The following NYAP2 variants were observed in gnomAD, a reference collection of about 807,000 sequenced individuals.
The protein encoded by NYAP2 is neuronal tyrosine-phosphorylated phosphoinositide-3-kinase adaptor 2.
A neutral mutation model predicts 50.4 loss-of-function variants in NYAP2; 23 were observed. The observed-to-expected ratio is 0.46, with a 90% CI of 0.33 to 0.65. The LOEUF is 0.65. Among genes scored for constraint, NYAP2 ranks in the 30% least tolerant of loss-of-function variants. NYAP2 has a pLI of 0.02. For missense variants in NYAP2, 885 were observed against 861.0 expected, an observed-to-expected ratio of 1.03 and a Z score of -0.35; for synonymous variants, 394 against 365.2, an observed-to-expected ratio of 1.08 and a Z score of -0.90.
intron 4 of NYAP2, among the ~76,000 whole-genome samples, chr2:225,520,626 A>G (rs1574656168): frequency 1.3e-5 from 2 of 151,920 alleles, no homozygotes; most frequent in South Asian, 2.1e-4. Context: ...TGTTCCATTG[A>G]TCTATATTTC....
At chr2:225,652,782 TA>T (rs1319159173) in exon 7 of NYAP2, 1 of 152,202 alleles carries the variant, frequency 6.6e-6, no homozygotes, top group African/African-American at 2.4e-5. Flanking sequence ...CAGGCTATTT[TA>T]AAAACATAAC....
At chr2:225,428,591 T>C (rs1695319814) in intron 3 of NYAP2, among the ~76,000 whole-genome samples, 1 of 152,230 alleles carries the variant, frequency 6.6e-6, no homozygotes, top group Non-Finnish European at 1.5e-5. Flanking sequence ...ACAAGCCAGA[T>C]TTGGCCTGCA....
downstream of NYAP2, among the ~76,000 whole-genome samples, chr2:225,658,584 T>G (rs1221783496): frequency 1.3e-5 from 2 of 152,206 alleles, no homozygotes; most frequent in African/African-American, 4.8e-5. Context: ...CCTAGTTGCA[T>G]TAAAACAATG....
chr2:225,483,685 T>C (rs909232706), intron 3 of NYAP2, among the ~76,000 whole-genome samples: 5 of 152,240 alleles, frequency 3.3e-5, no homozygotes, highest in Admixed American at 6.5e-5. Flanking sequence ...TTGTTCGTTT[T>C]CAGTTTTACA....
At chr2:225,667,057 T>A in the NYAP2 span, among the ~76,000 whole-genome samples, 52 of 152,262 alleles carry the variant, frequency 3.4e-4, no homozygotes, top group African/African-American at 1.2e-3. Context: ...GGCATGACTC[T>A]CCAGACCCGT....
At chr2:225,606,375 C>G (rs1375440296) in intron 5 of NYAP2, among the ~76,000 whole-genome samples, 1 of 152,148 alleles carries the variant, frequency 6.6e-6, no homozygotes, top group African/African-American at 2.4e-5. Flanking sequence ...CCAACAACAT[C>G]TAGGCCATTT....
At chr2:225,426,856 A>G (rs1354797554) in intron 3 of NYAP2, among the ~76,000 whole-genome samples, 1 of 152,186 alleles carries the variant, frequency 6.6e-6, no homozygotes, top group Non-Finnish European at 1.5e-5. Flanking sequence ...TGTGAAATAA[A>G]GAGTGGCCCT....
At chr2:225,546,272 G>A (rs1018446248) in intron 4 of NYAP2, among the ~76,000 whole-genome samples, 1 of 152,074 alleles carries the variant, frequency 6.6e-6, no homozygotes, top group African/African-American at 2.4e-5. Flanking sequence ...CCTTCAGGGC[G>A]ACAAGTTCCG....
the NYAP2 span, among the ~76,000 whole-genome samples, chr2:225,691,195 C>T: frequency 4.0e-5 from 6 of 151,554 alleles, no homozygotes; most frequent in South Asian, 2.1e-4. Context: ...CAGGAGTGAG[C>T]GCTTTTTTTT....
At chr2:225,437,062 T>TA (rs34035801) in intron 3 of NYAP2, among the ~76,000 whole-genome samples, 18,553 of 151,792 alleles carry the variant, frequency 0.12, 2,074 homozygotes, top group African/African-American at 0.3. Flanking sequence ...AAGTGGAAAA[T>TA]ACAGTTCATC....
chr2:225,513,552 T>C, exon 4 of NYAP2: 1 of 1,610,124 alleles, frequency 6.2e-7, no homozygotes, highest in Non-Finnish European at 8.5e-7. Flanking sequence ...CAGCTGTGGC[T>C]CACGGAGACA....
chr2:225,467,906 T>C (rs1381286888), intron 3 of NYAP2, among the ~76,000 whole-genome samples: 4 of 151,958 alleles, frequency 2.6e-5, no homozygotes. Flanking sequence ...CCAAGTCTCC[T>C]GGGATAGAGG....
At chr2:225,530,613 T>G (rs970502717) in intron 4 of NYAP2, among the ~76,000 whole-genome samples, 8 of 152,224 alleles carry the variant, frequency 5.3e-5, no homozygotes, top group African/African-American at 1.9e-4. Context: ...ATGATGTCTC[T>G]GAACTCTCAC....
intron 4 of NYAP2, among the ~76,000 whole-genome samples, chr2:225,578,620 G>C (rs80202999): frequency 0.037 from 5,654 of 152,222 alleles, 329 homozygotes; most frequent in African/African-American, 0.13. Flanking sequence ...GATAAGCATC[G>C]CCAGATGTAG....
intron 3 of NYAP2, among the ~76,000 whole-genome samples, chr2:225,427,971 C>G (rs1324159784): frequency 6.6e-6 from 1 of 152,158 alleles, no homozygotes; most frequent in Non-Finnish European, 1.5e-5. Flanking sequence ...TACCAGCCAA[C>G]CCAGTCTTCC....
the NYAP2 span, among the ~76,000 whole-genome samples, chr2:225,678,838 T>C: frequency 6.6e-6 from 1 of 152,076 alleles, no homozygotes; most frequent in African/African-American, 2.4e-5. Flanking sequence ...GGCTCAATTA[T>C]CCCCTTGCTG....
At chr2:225,661,548 T>C in the NYAP2 span, among the ~76,000 whole-genome samples, 35 of 152,336 alleles carry the variant, frequency 2.3e-4, no homozygotes, top group Non-Finnish European at 4.4e-4. Flanking sequence ...GGTAATATTA[T>C]ACCCGTTTCA....
chr2:225,536,130 A>G (rs1691345646), intron 4 of NYAP2, among the ~76,000 whole-genome samples: 1 of 152,188 alleles, frequency 6.6e-6, no homozygotes, highest in African/African-American at 2.4e-5. Flanking sequence ...TTTCACCTTC[A>G]TATTTCTCAA....
chr2:225,445,829 A>G lies in NYAP2; in HGVS notation c.221+36728A>G, dbSNP rs137874367. Among the ~76,000 whole-genome samples, 1,062 of 152,260 alleles carry G rather than the reference A, an allele frequency of 7.0e-3. 11 individuals are homozygous for G. The highest frequency in any genetic ancestry group is 0.024 in the African/African-American group (991 of 41,558). On this transcript the variant is annotated intron_variant, in intron 3 of 6. Transcript: ENST00000636099. ...TTTAACTATAGAAGTGTATAGATAT[A>G]TAAATAAAAGGCCAAAAATGATCAT...
Sources: gnomAD v4.1 joint callset for allele counts (sites outside exome capture counted in the v4.1 genomes callset) on GRCh38, gnomAD v4.1.1 for gene constraint, MANE v1.5 for transcripts, NCBI Gene and HGNC (gene_info 2026-07-23, HGNC 2026-07-21) for gene names.